ZC3H12B: variants seen among roughly 807,000 people sequenced by gnomAD.
The protein encoded by ZC3H12B is probable ribonuclease ZC3H12B.
ZC3H12B carries 7 observed loss-of-function variants against 43.9 expected under a neutral mutation model. The observed-to-expected ratio is 0.16, with a 90% CI of 0.09 to 0.30. The LOEUF is 0.30. ZC3H12B is among the 10% of genes least tolerant of loss of function. ZC3H12B has a pLI of 1.00. For missense variants in ZC3H12B, 475 were observed against 670.2 expected (o/e 0.71, Z 3.22); for synonymous variants, 222 against 241.7 (o/e 0.92, Z 0.76).
At chrX:65,058,225 G>A in the ZC3H12B span, among the ~76,000 whole-genome samples, 3 of 110,893 alleles carry the variant, frequency 2.7e-5, no homozygotes, top group South Asian at 1.2e-3. Flanking sequence ...ATCTACCTTT[G>A]GTCTTTGATG....
At chrX:65,202,781 C>G in the ZC3H12B span, among the ~76,000 whole-genome samples, 1 of 110,856 alleles carries the variant, frequency 9.0e-6, no homozygotes, top group Non-Finnish European at 1.9e-5. Flanking sequence ...CCCTAGGACT[C>G]TACAATCAGA....
chrX:65,306,952 A>T, the ZC3H12B span, among the ~76,000 whole-genome samples: 2 of 112,374 alleles, frequency 1.8e-5, no homozygotes, highest in Non-Finnish European at 3.8e-5. Flanking sequence ...ATTCATATGA[A>T]ATTATAGAAA....
At chrX:65,178,955 A>T in the ZC3H12B span, among the ~76,000 whole-genome samples, 1 of 112,305 alleles carries the variant, frequency 8.9e-6, no homozygotes, top group Admixed American at 9.5e-5. Context: ...AGACACATGC[A>T]CATGTACGTT....
chrX:65,108,445 T>C, the ZC3H12B span, among the ~76,000 whole-genome samples: 1 of 110,102 alleles, frequency 9.1e-6, no homozygotes, highest in Non-Finnish European at 1.9e-5. Context: ...TTTGTCAAAA[T>C]GAAGACACAC....
At chrX:65,073,616 G>T in the ZC3H12B span, among the ~76,000 whole-genome samples, 3 of 112,245 alleles carry the variant, frequency 2.7e-5, no homozygotes, top group Non-Finnish European at 5.6e-5. Flanking sequence ...GGCCATCCAT[G>T]GCTGCACTTC....
At chrX:65,396,920 C>A (rs1243011585) in intron 2 of ZC3H12B, among the ~76,000 whole-genome samples, 1 of 111,425 alleles carries the variant, frequency 9.0e-6, no homozygotes, top group African/African-American at 3.3e-5. Context: ...GGATAGTTAG[C>A]TCTTCTTGTT....
chrX:65,328,396 T>C, the ZC3H12B span: 10 of 243,894 alleles, frequency 4.1e-5, no homozygotes, highest in African/African-American at 2.9e-4. Flanking sequence ...ACATTCTTCT[T>C]GGAAGAAAGA....
chrX:65,324,625 G>A, the ZC3H12B span, among the ~76,000 whole-genome samples: 2 of 110,629 alleles, frequency 1.8e-5, no homozygotes, highest in Admixed American at 9.6e-5. Flanking sequence ...TTCTGTTATT[G>A]ATTTCTGGTT....
the ZC3H12B span, among the ~76,000 whole-genome samples, chrX:65,213,662 G>C: frequency 2.0e-4 from 22 of 110,309 alleles, 1 homozygote; most frequent in East Asian, 5.7e-3. Flanking sequence ...TTGTTTTTGT[G>C]TATATTTCTC....
At chrX:65,204,006 T>A in the ZC3H12B span, among the ~76,000 whole-genome samples, 1 of 111,998 alleles carries the variant, frequency 8.9e-6, no homozygotes, top group Non-Finnish European at 1.9e-5. Context: ...TTTCCACTGT[T>A]ACAGGACAAC....
chrX:65,474,826 C>T (rs899788828), intron 3 of ZC3H12B, among the ~76,000 whole-genome samples: 3 of 111,887 alleles, frequency 2.7e-5, no homozygotes, highest in African/African-American at 9.7e-5. Context: ...AGTCTGGTCT[C>T]GAACTTCTGA....
chrX:65,217,988 T>C, the ZC3H12B span, among the ~76,000 whole-genome samples: 1 of 111,792 alleles, frequency 8.9e-6, no homozygotes, highest in Non-Finnish European at 1.9e-5. Flanking sequence ...CAAATAAGAC[T>C]AACTCAAGAC....
At chrX:65,259,275 C>T in the ZC3H12B span, among the ~76,000 whole-genome samples, 1 of 111,705 alleles carries the variant, frequency 9.0e-6, no homozygotes, top group Non-Finnish European at 1.9e-5. Flanking sequence ...CTACAACCAT[C>T]CAAACTTCTA....
the ZC3H12B span, among the ~76,000 whole-genome samples, chrX:65,213,728 T>C: frequency 9.0e-6 from 1 of 110,534 alleles, no homozygotes; most frequent in Non-Finnish European, 1.9e-5. Flanking sequence ...TGACTACTTA[T>C]TTTTTGAAAT....
chrX:65,501,212 C>T (rs1374163493), intron 4 of ZC3H12B, among the ~76,000 whole-genome samples: 1 of 104,848 alleles, frequency 9.5e-6, no homozygotes, highest in Non-Finnish European at 1.9e-5. Context: ...TGTACATTAT[C>T]GAAAAATTAA....
At chrX:65,142,773 G>T in the ZC3H12B span, among the ~76,000 whole-genome samples, 2 of 111,851 alleles carry the variant, frequency 1.8e-5, no homozygotes, top group Admixed American at 9.5e-5. Context: ...TTCCCACTTG[G>T]GTGTTTGTTC....
At chrX:65,090,992 T>G in the ZC3H12B span, among the ~76,000 whole-genome samples, 1 of 111,490 alleles carries the variant, frequency 9.0e-6, no homozygotes, top group Non-Finnish European at 1.9e-5. Flanking sequence ...TTTCACACCA[T>G]GATTATAAGC....
At chrX:65,472,856 A>ATG (rs1344419046) in intron 3 of ZC3H12B, among the ~76,000 whole-genome samples, 1 of 84,971 alleles carries the variant, frequency 1.2e-5, no homozygotes, top group East Asian at 3.5e-4. Context: ...ATATATATAT[A>ATG]TATGTTTGTG....
the ZC3H12B span, among the ~76,000 whole-genome samples, chrX:65,346,290 T>C: frequency 9.5e-6 from 1 of 105,580 alleles, no homozygotes; most frequent in Non-Finnish European, 1.9e-5. Flanking sequence ...CATAGAATAA[T>C]GGAACAGAAT....
Sources: gnomAD v4.1 joint callset for allele counts (sites outside exome capture counted in the v4.1 genomes callset) on GRCh38, gnomAD v4.1.1 for gene constraint, MANE v1.5 for transcripts, NCBI Gene and HGNC (gene_info 2026-07-23, HGNC 2026-07-21) for gene names.